Variants in RTEL1 observed in about 807,000 individuals in gnomAD.
RTEL1 encodes regulator of telomere length.
A neutral mutation model predicts 162.2 loss-of-function variants in RTEL1; 86 were observed. The observed-to-expected ratio is 0.53, with a 90% CI of 0.45 to 0.63. The LOEUF (loss-of-function observed/expected upper bound fraction) is 0.63. Ranked by LOEUF, RTEL1 falls within the 30% of genes least tolerant of loss-of-function variation. RTEL1 has a pLI of 0.00. For synonymous variants in RTEL1, 958 were observed against 717.9 expected, an observed-to-expected ratio of 1.33 and a Z score of -5.35; for missense variants, 1,941 against 1,750.2, an observed-to-expected ratio of 1.11 and a Z score of -1.95.
chr20:63,667,628 C>A (rs2090162891), intron 8 of RTEL1, 75 bp downstream of exon 8: 4 of 1,218,392 alleles, frequency 3.3e-6, no homozygotes, highest in Non-Finnish European at 4.9e-6. Context: ...GCTGTCCGAG[C>A]CTTTGCTGCT....
chr20:63,678,240 A>G, intron 11 of RTEL1, 28 bp from the exon 12 acceptor site: 1 of 1,612,680 alleles, frequency 6.2e-7, no homozygotes, highest in Non-Finnish European at 8.5e-7. Flanking sequence ...CCTTGCGAGG[A>G]GGTGGGTGAC....
In RTEL1 at chr20:63,661,259, C is replaced by A. The variant is rs1405372178; in HGVS notation, c.103-39C>A. The A allele has an allele frequency of 6.3e-7, 1 of 1,591,642 alleles. No individual in the cohort carries two copies. Among genetic ancestry groups the A allele is most frequent in the Admixed American group, 1.7e-5 (1 of 59,500 alleles). ...GGCAGCTTGTGTGGCCTCGCCTCTT[C>A]CTGGCTTCCCCGTAACCCTTGCTCC... On this transcript the variant is annotated intron_variant, in intron 2 of 34. Coordinates refer to ENST00000360203, the MANE Select transcript of RTEL1 (RefSeq NM_001283009.2). The surrounding 1 kb of genome is among the most constrained non-coding windows in gnomAD (Gnocchi z 5.1).
rs1465417616 is a variant in RTEL1 at position 63,691,753 on chromosome 20, C to G, written c.2568C>G (p.Cys856Trp). 4 of 1,612,310 alleles carry G rather than the reference C, an allele frequency of 2.5e-6. No individual in the cohort carries two copies. The highest frequency in any genetic ancestry group is 1.3e-5 in the African/African-American group (1 of 74,888). ...TGTGTCCTCCTCAGGCCCACAGCTG[C>G]TCCACCCTGTCCCTCCTGTCTGAGA... ...GSPGEEQAHS[C>W]STLSLLSEKR... The change falls in exon 28 of 35, where the codon TGC (cysteine) becomes TGG (tryptophan). Residue 856 changes from cysteine (C) to tryptophan (W), a missense_variant. Physicochemically the swap from Cys to Trp is radical, Grantham distance 215. Transcript: ENST00000360203.
chr20:63,685,694 A>G (rs2090577080), intron 15 of RTEL1, 97 bp downstream of exon 15: 7 of 1,584,108 alleles, frequency 4.4e-6, no homozygotes, highest in Non-Finnish European at 6.0e-6. Context: ...CACCTCCAGG[A>G]GGCAGGTGGG....
intron 4 of RTEL1, 180 bp from the exon 5 acceptor site, chr20:63,662,366 C>T: frequency 1.6e-6 from 2 of 1,277,794 alleles, no homozygotes; most frequent in Non-Finnish European, 2.2e-6. Flanking sequence ...AATCTCCTCC[C>T]TCTGTCCAGT....
chr20:63,672,617 A>T lies in RTEL1; in HGVS notation c.761A>T (p.Asn254Ile). 1 of 1,582,344 alleles carries T rather than the reference A, an allele frequency of 6.3e-7. No homozygotes were observed. The highest frequency in any genetic ancestry group is 8.6e-7 in the Non-Finnish European group (1 of 1,161,736). The change falls in exon 9 of 35, where the codon AAC (asparagine) becomes ATC (isoleucine). Residue 254 changes from asparagine (N) to isoleucine (I), a missense_variant. By Grantham distance (149) the Asn-to-Ile change is moderately radical. Coordinates refer to ENST00000360203, the MANE Select transcript of RTEL1 (RefSeq NM_001283009.2). ...GTVVIFDEAH[N>I]VEKMCEESAS... ...GTCGTGATCTTTGACGAAGCTCACAACGTGGTGAGTCTCCGCTGGCCTCCT... is the reference window on the plus strand; with the variant it reads ...GTCGTGATCTTTGACGAAGCTCACATCGTGGTGAGTCTCCGCTGGCCTCCT...
At chr20:63,686,223 G>T in intron 16 of RTEL1, 1 of 348,414 alleles carries the variant, frequency 2.9e-6, no homozygotes, top group Non-Finnish European at 5.4e-6. Flanking sequence ...CTGCCTCCAC[G>T]CAGCGCCTGG....
chr20:63,688,038 C>A lies in RTEL1; in HGVS notation c.1583C>A (p.Ala528Glu), dbSNP rs760398738. Residue 528 changes from alanine to glutamate, a missense_variant, in exon 18 of 35, where the codon GCG becomes GAG. By Grantham distance (107) the Ala-to-Glu change is moderately radical (BLOSUM62 -1). Coordinates refer to ENST00000360203, the MANE Select transcript of RTEL1 (RefSeq NM_001283009.2). Reference sequence around the variant, plus strand: ...CCCGATGGAGCCCAGTTGAGCTCCGCGTTTGACAGACGGTGAGGGCCTGTC... The same window carrying A: ...CCCGATGGAGCCCAGTTGAGCTCCGAGTTTGACAGACGGTGAGGGCCTGTC... ...RGPDGAQLSS[A>E]FDRRFSEECL... 14 of 1,612,678 alleles carry A rather than the reference C, an allele frequency of 8.7e-6. No individual in the cohort carries two copies. In the South Asian group the frequency reaches 1.1e-4, roughly 13 times the overall value.
rs925197084 is a variant in RTEL1, at chr20:63,675,327, T to C, written c.919+1234T>C. On this transcript the variant is annotated intron_variant, in intron 10 of 34. Coordinates refer to ENST00000360203, the MANE Select transcript of RTEL1 (RefSeq NM_001283009.2). The stretch of plus-strand genomic sequence containing the variant: ...ATCTCCAGGTGTAAACAGCATCAGC[T>C]TCCCCCATTTTCCTTTAAAATCGCA... 3.6e-4 allele frequency among the ~76,000 whole-genome samples: 55 copies of C among 152,308 alleles called. No individual in the cohort carries two copies. The Middle Eastern group carries it at 0.01, about 28-fold the overall frequency.
chr20:63,689,169 C>T (rs755138559), intron 22 of RTEL1, 37 bp downstream of exon 22: 2 of 1,588,884 alleles, frequency 1.3e-6, no homozygotes, highest in South Asian at 1.1e-5. Context: ...GACCTGGTTG[C>T]CTGTTCCCTG....
intron 8 of RTEL1, among the ~76,000 whole-genome samples, chr20:63,669,268 A>G (rs960625909): frequency 1.3e-5 from 2 of 152,350 alleles, no homozygotes; most frequent in East Asian, 3.9e-4. Flanking sequence ...AAAACAGTGA[A>G]TCTTAACTCT....
At position 63,693,267 on chromosome 20, in the gene RTEL1, G is replaced by A. The variant is rs373347391; in HGVS notation, c.2976G>A (p.Pro992=). 53 of 1,611,796 alleles carry A rather than the reference G, an allele frequency of 3.3e-5. No individual in the cohort carries two copies. Among genetic ancestry groups the A allele is most frequent in the South Asian group, 2.0e-4 (18 of 91,086 alleles). The change falls in exon 30 of 35, where the codon CCG becomes CCA. Residue 992 remains proline, a synonymous_variant. Transcript: ENST00000360203. ...TTCCCCGAAGGCAGCGGGCACAGCCGGTCCTGGACCCCACTGGTAAATGGG... is the reference window on the plus strand; with the variant it reads ...TTCCCCGAAGGCAGCGGGCACAGCCAGTCCTGGACCCCACTGGTAAATGGG... ...HSIPRRQRAQ[P]VLDPTGRTAP...
At position 63,693,516 on chromosome 20, in the gene RTEL1, ACCACCACCACCT is replaced by A. The variant is rs1568720532; in HGVS notation, c.2992+245_2992+256del. ...CTCCACCTCCACCACCACCTCCTCCACCACCACCACCTCCACCACCACCACCACCACCACCAC... is the reference window on the plus strand; with the variant it reads ...CTCCACCTCCACCACCACCTCCTCCACCACCACCACCACCACCACCACCAC... On this transcript the variant is annotated intron_variant, in intron 30 of 34. Transcript: ENST00000360203. Among the ~76,000 whole-genome samples, 15 of 14,854 alleles carry A rather than the reference ACCACCACCACCT, an allele frequency of 1.0e-3. 1 individual carries two copies. Among genetic ancestry groups the A allele is most frequent in the East Asian group, 2.6e-3 (3 of 1,142 alleles). The allele number at this position is 14,854 out of a possible 152,430, so 9.7% of individuals were successfully genotyped here. A position where few individuals can be genotyped will look rare whatever the true frequency, so the allele number is the denominator to read the frequency against.
intron 13 of RTEL1, among the ~76,000 whole-genome samples, 182 bp downstream of exon 13, chr20:63,680,128 G>T (rs1220986116): frequency 6.6e-6 from 1 of 152,234 alleles, no homozygotes; most frequent in African/African-American, 2.4e-5. Context: ...CTGCCGTAGA[G>T]CCTGTCCCAG....
Position 63,662,378 on chromosome 20 carries a change from C to T in RTEL1, c.396-168C>T, listed in dbSNP as rs1020057083. 1.4e-5 allele frequency: 19 copies of T among 1,379,204 alleles called. No individual in the cohort carries two copies. The Admixed American group carries it at 2.2e-4, about 16-fold the overall frequency. 85.4% of individuals were successfully genotyped at this position (1,379,204 alleles called of 1,614,324 possible). ...TCGAATCTCCTCCCTCTGTCCAGTACCCCCGCTCGTCTTCTAGCTCCCTCC... is the reference window on the plus strand; with the variant it reads ...TCGAATCTCCTCCCTCTGTCCAGTATCCCCGCTCGTCTTCTAGCTCCCTCC... On this transcript the variant is annotated intron_variant, in intron 4 of 34. Coordinates refer to ENST00000360203, the MANE Select transcript of RTEL1 (RefSeq NM_001283009.2).
intron 28 of RTEL1, 67 bp from the exon 29 acceptor site, chr20:63,692,738 G>A: frequency 2.7e-6 from 4 of 1,471,946 alleles, no homozygotes; most frequent in East Asian, 2.3e-5. Flanking sequence ...TCCAAGGAAG[G>A]CTCTGCAGCC....
At position 63,673,805 on chromosome 20, in the gene RTEL1, TA is replaced by T. The variant is rs1364203391; in HGVS notation, c.766-134del. ...ATGTTTGGACCTACTTGTGGCCTTTTACAGACCCCAGGCCAAGGCTTTGGGA... is the reference window on the plus strand; with the variant it reads ...ATGTTTGGACCTACTTGTGGCCTTTTCAGACCCCAGGCCAAGGCTTTGGGA... On this transcript the variant is annotated intron_variant, in intron 9 of 34. Coordinates refer to ENST00000360203, the MANE Select transcript of RTEL1 (RefSeq NM_001283009.2). 5 of 962,806 alleles carry T rather than the reference TA, an allele frequency of 5.2e-6. No individual in the cohort carries two copies. In the African/African-American group the frequency reaches 6.6e-5, roughly 13 times the overall value. 59.6% of individuals were successfully genotyped at this position (962,806 alleles called of 1,614,324 possible).
At chr20:63,681,163 C>T in intron 14 of RTEL1, 2 of 985,374 alleles carry the variant, frequency 2.0e-6, no homozygotes, top group Non-Finnish European at 2.4e-6. Context: ...CCTGGGAGCC[C>T]ATGATTGGGG....
intron 7 of RTEL1, among the ~76,000 whole-genome samples, chr20:63,666,871 G>T (rs548298574): frequency 1.1e-3 from 129 of 121,408 alleles, no homozygotes; most frequent in African/African-American, 3.9e-3. Flanking sequence ...ACGGAGTCTC[G>T]CTCTGTCGCC....
Sources: allele counts gnomAD v4.1 joint callset (sites outside exome capture counted in the v4.1 genomes callset), GRCh38; gene constraint gnomAD v4.1.1; non-coding constraint Gnocchi (gnomAD v3.1); transcripts MANE v1.5; gene names NCBI Gene and HGNC (gene_info 2026-07-23, HGNC 2026-07-21).